Variants in PDC observed in about 807,000 individuals in gnomAD.
PDC encodes the protein phosducin.
Under a neutral mutation model 22.2 loss-of-function variants are expected in PDC, and 19 were observed. That is an observed-to-expected ratio of 0.86 (90% CI 0.60 to 1.26). The LOEUF (loss-of-function observed/expected upper bound fraction) is 1.26, where lower values mean the gene tolerates loss of function less well. PDC is among the 50% of genes most tolerant of loss of function. The pLI is 0.00. For synonymous variants in PDC, 97 were observed against 96.2 expected, an observed-to-expected ratio of 1.01 and a Z score of -0.05; for missense variants, 274 against 286.8, an observed-to-expected ratio of 0.96 and a Z score of 0.32.
intron 1 of PDC, among the ~76,000 whole-genome samples, chr1:186,457,149 A>G (rs1360239190): frequency 6.6e-6 from 1 of 152,218 alleles, no homozygotes; most frequent in Non-Finnish European, 1.5e-5. Flanking sequence ...CTAAGCTAAT[A>G]TGCTCACCAA....
intron 1 of PDC, among the ~76,000 whole-genome samples, chr1:186,458,517 G>A (rs920982794): frequency 1.3e-5 from 2 of 150,582 alleles, no homozygotes; most frequent in East Asian, 3.9e-4. Context: ...CATTAGAGTC[G>A]CCTCAGAAGT....
rs1234163907 is a variant in PDC, at chr1:186,450,393, G to T, written c.-24-910C>A. ...TCTCCCAGGCTTCATTAAGTGCGAT[G>T]GTGCTGTTTTATTTAGCTCACTGCA... is the stretch of plus-strand genomic sequence containing the variant. On this transcript the variant is annotated intron_variant, in intron 1 of 3. Coordinates refer to ENST00000391997, the MANE Select transcript of PDC (RefSeq NM_002597.5). 2.0e-5 allele frequency among the ~76,000 whole-genome samples: 3 copies of T among 151,928 alleles called. No homozygotes were observed. The East Asian group carries it at 5.8e-4, about 29-fold the overall frequency.
chr1:186,448,875 A>G (rs1250354439), intron 2 of PDC, among the ~76,000 whole-genome samples: 4 of 152,272 alleles, frequency 2.6e-5, no homozygotes, highest in Non-Finnish European at 1.5e-5. Context: ...TAGGAGTGGC[A>G]TATAGATAGC....
rs56927589 is a variant in PDC, at chr1:186,459,752, G to GTATATATATATATATATATATA, written c.-25+1285_-25+1306dup. On this transcript the variant is annotated intron_variant, in intron 1 of 3. Coordinates refer to ENST00000391997, the MANE Select transcript of PDC (RefSeq NM_002597.5). ...TACAATGGACAATATGTGTGTGTGT[G>GTATATATATATATATATATATA]TATATATATATATATATATATATAT... Among the ~76,000 whole-genome samples, 275 of 112,006 alleles carry GTATATATATATATATATATATA rather than the reference G, an allele frequency of 2.5e-3. 5 individuals are homozygous for GTATATATATATATATATATATA. Among genetic ancestry groups the GTATATATATATATATATATATA allele is most frequent in the Non-Finnish European group, 3.7e-3 (193 of 52,702 alleles). 73.5% of individuals were successfully genotyped at this position (112,006 alleles called of 152,430 possible).
intron 2 of PDC, chr1:186,448,579 C>G (rs1338383489): frequency 5.7e-6 from 2 of 352,704 alleles, no homozygotes; most frequent in Non-Finnish European, 4.0e-6. Context: ...TTCCCTCCAT[C>G]CCTTCATCCA....
intron 1 of PDC, among the ~76,000 whole-genome samples, chr1:186,458,237 T>C (rs910039884): frequency 6.7e-6 from 1 of 148,784 alleles, no homozygotes; most frequent in Non-Finnish European, 1.5e-5. Context: ...TTTTTTTTTT[T>C]TTTTTTTTTT....
At chr1:186,455,077 C>T (rs963416742) in intron 1 of PDC, among the ~76,000 whole-genome samples, 3 of 152,062 alleles carry the variant, frequency 2.0e-5, no homozygotes, top group Non-Finnish European at 2.9e-5. Context: ...GCTGCTATAA[C>T]GAAATATAGA....
At chr1:186,452,584 G>C (rs868726012) in intron 1 of PDC, among the ~76,000 whole-genome samples, 1 of 151,972 alleles carries the variant, frequency 6.6e-6, no homozygotes, top group Non-Finnish European at 1.5e-5. Flanking sequence ...CTTCAATTTC[G>C]GCACATAATA....
rs149677412 is a variant in PDC at position 186,456,813 on chromosome 1, G to A, written c.-25+4246C>T. Among the ~76,000 whole-genome samples, 208 of 152,238 alleles carry A rather than the reference G, an allele frequency of 1.4e-3. 1 individual carries two copies. The highest frequency in any genetic ancestry group is 2.7e-3 in the African/African-American group (111 of 41,546). The stretch of plus-strand genomic sequence containing the variant: ...AAATAGCAGACTGGAAATCAAGTAC[G>A]GAAGTGAAATGCCTCTTAAATCAAC... On this transcript the variant is annotated intron_variant, in intron 1 of 3. Transcript: ENST00000391997.
chr1:186,456,961 C>T (rs748148036), intron 1 of PDC, among the ~76,000 whole-genome samples: 7 of 152,212 alleles, frequency 4.6e-5, no homozygotes, highest in Non-Finnish European at 8.8e-5. Context: ...CTACTTCATT[C>T]TATTGCTAGA....
Position 186,449,382 on chromosome 1 carries a change from C to A in PDC, c.61+17G>T, listed in dbSNP as rs377291422. 17 of 1,548,594 alleles carry A rather than the reference C, an allele frequency of 1.1e-5. No individual in the cohort carries two copies. The highest frequency in any genetic ancestry group is 2.7e-5 in the African/African-American group (2 of 73,300). ...AATTTTAATTTAATAATTATTTTTT[C>A]TTCTAGCTTTGCTTGCCTGTATGTG... On this transcript the variant is annotated intron_variant, in intron 2 of 3. Coordinates refer to ENST00000391997, the MANE Select transcript of PDC (RefSeq NM_002597.5).
In PDC at chr1:186,446,486, C is replaced by T; in HGVS notation, c.153G>A (p.Arg51=). The T allele has an allele frequency of 1.2e-6, 2 of 1,608,150 alleles. No homozygotes were observed. The highest frequency in any genetic ancestry group is 2.2e-5 in the East Asian group (1 of 44,742). Residue 51 remains arginine (R), a synonymous_variant, in exon 3 of 4, where the codon AGG becomes AGA. Transcript: ENST00000391997. ...TCCTACTCTGAGGAGAAGACATTTG[C>T]CTGAGAATCTCCTTCTTGCTAGGTG... ...SIPPSKKEIL[R]QMSSPQSRNG...
At chr1:186,448,866 A>C (rs1259475579) in intron 2 of PDC, 1 of 154,908 alleles carries the variant, frequency 6.5e-6, no homozygotes, top group Non-Finnish European at 1.4e-5. Flanking sequence ...TTAAGCTCTT[A>C]GGAGTGGCAT....
intron 1 of PDC, chr1:186,451,387 G>A (rs987031521): frequency 6.6e-6 from 1 of 152,142 alleles, no homozygotes; most frequent in African/African-American, 2.4e-5. Context: ...TTATTACTTA[G>A]TGTAATTATT....
chr1:186,449,428 T>G lies in PDC; in HGVS notation c.32A>C (p.Glu11Ala), dbSNP rs751186174. 1.2e-5 allele frequency: 20 copies of G among 1,607,942 alleles called. No homozygotes were observed. The highest frequency in any genetic ancestry group is 1.7e-4 in the Middle Eastern group (1 of 6,030). MEEAKSQSLE[E>A]DFEGQATHTG... is the part of the protein sequence containing the mutation. ...ATGTGTGGCCTGTCCTTCAAAGTCT[T>G]CCTCCAAACTTTGGCTTTTGGCTTC... Residue 11 changes from glutamate (E) to alanine (A), a missense_variant, in exon 2 of 4, where the codon GAA becomes GCA. Transcript: ENST00000391997.
chr1:186,449,281 T>C (rs770802118), intron 2 of PDC, 118 bp downstream of exon 2: 7 of 470,934 alleles, frequency 1.5e-5, no homozygotes, highest in Non-Finnish European at 2.5e-5. Flanking sequence ...TAGATTAGCA[T>C]AACAATTTAT....
intron 1 of PDC, among the ~76,000 whole-genome samples, chr1:186,453,929 A>T (rs1463897195): frequency 6.6e-6 from 1 of 152,122 alleles, no homozygotes; most frequent in Non-Finnish European, 1.5e-5. Flanking sequence ...TATTTTTTCC[A>T]TTACGCCATT....
At chr1:186,446,399 T>G (rs753784229) in intron 3 of PDC, 27 bp downstream of exon 3, 2 of 1,516,144 alleles carry the variant, frequency 1.3e-6, no homozygotes, top group South Asian at 1.2e-5. Flanking sequence ...TGTAAATTAT[T>G]TATTACTGCT....
chr1:186,457,338 G>A (rs760007923), intron 1 of PDC, among the ~76,000 whole-genome samples: 21 of 152,088 alleles, frequency 1.4e-4, no homozygotes, highest in Non-Finnish European at 2.6e-4. Context: ...AAGTATTACT[G>A]GGCTTGTGGA....
Sources: gnomAD v4.1 joint callset for allele counts (sites outside exome capture counted in the v4.1 genomes callset) on GRCh38, gnomAD v4.1.1 for gene constraint, MANE v1.5 for transcripts, NCBI Gene and HGNC (gene_info 2026-07-23, HGNC 2026-07-21) for gene names.